The following DCC variants were observed in gnomAD, a reference collection of about 807,000 sequenced individuals.
DCC encodes the protein netrin receptor DCC.
A neutral mutation model predicts 172.5 loss-of-function variants in DCC; 58 were observed. That is an observed-to-expected ratio of 0.34 (90% confidence interval 0.27 to 0.42). The LOEUF is 0.42. Ranked by LOEUF, DCC falls within the 10% of genes least tolerant of loss-of-function variation. The pLI is 1.00. For missense variants in DCC, 1,740 were observed against 1,791.0 expected, an observed-to-expected ratio of 0.97 and a Z score of 0.51; for synonymous variants, 709 against 644.5, an observed-to-expected ratio of 1.10 and a Z score of -1.52.
intron 9 of DCC, among the ~76,000 whole-genome samples, chr18:53,180,643 T>C (rs918338208): frequency 1.3e-5 from 2 of 152,182 alleles, no homozygotes; most frequent in Non-Finnish European, 2.9e-5. Context: ...TCATAATGTC[T>C]ATATTAACAT....
chr18:52,362,716 A>C (rs1984673689), intron 1 of DCC, among the ~76,000 whole-genome samples: 1 of 152,194 alleles, frequency 6.6e-6, no homozygotes, highest in African/African-American at 2.4e-5. Flanking sequence ...AAAGCTGAAT[A>C]ATCTCCCTAT....
intron 1 of DCC, among the ~76,000 whole-genome samples, chr18:52,521,542 C>A (rs976909282): frequency 6.6e-6 from 1 of 152,074 alleles, no homozygotes; most frequent in Non-Finnish European, 1.5e-5. Context: ...CAAATGCCAT[C>A]ACTTTGGGAG....
intron 8 of DCC, among the ~76,000 whole-genome samples, chr18:53,159,028 T>C (rs1206716197): frequency 1.4e-5 from 2 of 141,184 alleles, no homozygotes; most frequent in African/African-American, 5.5e-5. Flanking sequence ...GGCATACCCA[T>C]ATTGCCTTGT....
intron 15 of DCC, among the ~76,000 whole-genome samples, chr18:53,372,120 A>G (rs1336626001): frequency 2.6e-5 from 4 of 152,136 alleles, no homozygotes; most frequent in Non-Finnish European, 4.4e-5. Context: ...GGAAATATAC[A>G]CAAAGAAATA....
Position 53,086,146 on chromosome 18 carries a change from TC to T in DCC, c.1261+19982del, listed in dbSNP as rs2042889362. Among the ~76,000 whole-genome samples, 2 of 30,700 alleles carry T rather than the reference TC, an allele frequency of 6.5e-5. 1 individual carries two copies. Among genetic ancestry groups the T allele is most frequent in the African/African-American group, 9.3e-4 (2 of 2,160 alleles). 20.1% of individuals were successfully genotyped at this position (30,700 alleles called of 152,430 possible). A position where few individuals can be genotyped will look rare whatever the true frequency, so the allele number is the denominator to read the frequency against. ...CTCCTCCTCCTCCTCCTCCTCCTCC[TC>T]CTCCTCTTCCTCTTCTCTTCCTCTT... is the stretch of plus-strand genomic sequence containing the variant. On this transcript the variant is annotated intron_variant, in intron 7 of 28. Coordinates refer to ENST00000442544, the MANE Select transcript of DCC (RefSeq NM_005215.4).
At chr18:53,316,449 A>T (rs7236567) in intron 13 of DCC, among the ~76,000 whole-genome samples, 31,955 of 151,664 alleles carry the variant, frequency 0.21, 5,060 homozygotes, top group African/African-American at 0.44. Flanking sequence ...CTTTTTTGAA[A>T]CCATATGAAA....
At chr18:53,046,479 G>GAA (rs10628083) in intron 5 of DCC, among the ~76,000 whole-genome samples, 154 of 148,258 alleles carry the variant, frequency 1.0e-3, no homozygotes, top group Admixed American at 1.7e-3. Flanking sequence ...TTTAAAACTG[G>GAA]AAAAAAAAAA....
At chr18:53,036,077 A>G (rs1249541158) in intron 5 of DCC, among the ~76,000 whole-genome samples, 1 of 152,046 alleles carries the variant, frequency 6.6e-6, no homozygotes, top group African/African-American at 2.4e-5. Flanking sequence ...ATTGCTTTAG[A>G]GAGTATCAAT....
intron 1 of DCC, among the ~76,000 whole-genome samples, chr18:52,536,901 T>G (rs2032305817): frequency 6.6e-6 from 1 of 152,218 alleles, no homozygotes; most frequent in African/African-American, 2.4e-5. Flanking sequence ...TTGTGGCCAA[T>G]TATATTCTTT....
chr18:53,489,648 A>G (rs1189092017), intron 26 of DCC, among the ~76,000 whole-genome samples: 1 of 152,214 alleles, frequency 6.6e-6, no homozygotes, highest in African/African-American at 2.4e-5. Flanking sequence ...TTTGAGTTTT[A>G]TAAGAAATGA....
chr18:52,995,581 C>G (rs2041465161), intron 5 of DCC, among the ~76,000 whole-genome samples: 1 of 151,834 alleles, frequency 6.6e-6, no homozygotes, highest in Non-Finnish European at 1.5e-5. Context: ...TCCTTACTAC[C>G]TTGTGAAGGT....
At chr18:53,253,615 GA>G (rs1341013752) in intron 12 of DCC, among the ~76,000 whole-genome samples, 14 of 151,598 alleles carry the variant, frequency 9.2e-5, no homozygotes, top group East Asian at 1.9e-4. Context: ...AAAATACTCT[GA>G]AAAAAAATCA....
In DCC at chr18:52,821,541, G is replaced by A. The variant is rs116946428; in HGVS notation, c.412+69167G>A. ...CTTGTCTCCCTTCATCATTCATTCCGGCTTTAGCCCCCTTCAATGAGGCTT... is the reference window on the plus strand; with the variant it reads ...CTTGTCTCCCTTCATCATTCATTCCAGCTTTAGCCCCCTTCAATGAGGCTT... On this transcript the variant is annotated intron_variant, in intron 2 of 28. Transcript: ENST00000442544. Among the ~76,000 whole-genome samples the A allele has an allele frequency of 3.3e-4, 50 of 152,030 alleles. 1 individual carries two copies. The East Asian group carries it at 8.5e-3, about 26-fold the overall frequency.
At chr18:52,599,607 T>C (rs1183619299) in intron 1 of DCC, among the ~76,000 whole-genome samples, 1 of 152,114 alleles carries the variant, frequency 6.6e-6, no homozygotes, top group Non-Finnish European at 1.5e-5. Flanking sequence ...CTCTGCCTCC[T>C]GGGTTCAAGC....
At chr18:52,508,786 T>C (rs2031326285) in intron 1 of DCC, among the ~76,000 whole-genome samples, 1 of 152,174 alleles carries the variant, frequency 6.6e-6, no homozygotes, top group Non-Finnish European at 1.5e-5. Context: ...ACATAAGTTA[T>C]AAAAGAGATG....
At chr18:52,497,344 C>CATATAT (rs11273813) in intron 1 of DCC, among the ~76,000 whole-genome samples, 3 of 34,230 alleles carry the variant, frequency 8.8e-5, no homozygotes, top group African/African-American at 4.0e-4. Flanking sequence ...CACACGTATG[C>CATATAT]ATATATATAT....
rs189790898 is a variant in DCC, at chr18:52,451,218, A to G, written c.91+110340A>G. Among the ~76,000 whole-genome samples the G allele has an allele frequency of 7.2e-5, 11 of 152,284 alleles. No individual in the cohort carries two copies. The East Asian group carries it at 2.1e-3, about 29-fold the overall frequency. On this transcript the variant is annotated intron_variant, in intron 1 of 28. Transcript: ENST00000442544. ...TACAGTATATAGATATTATATTTTG[A>G]AGAGGTGACCTAGGGTATATGAGCC...
At chr18:52,763,167 A>T (rs926946482) in intron 2 of DCC, among the ~76,000 whole-genome samples, 1 of 152,206 alleles carries the variant, frequency 6.6e-6, no homozygotes, top group Non-Finnish European at 1.5e-5. Flanking sequence ...AGGCTTTATC[A>T]CCCTTGAAAC....
intron 8 of DCC, among the ~76,000 whole-genome samples, chr18:53,165,661 G>A (rs1394190836): frequency 1.3e-5 from 2 of 152,094 alleles, no homozygotes; most frequent in Admixed American, 6.6e-5. Context: ...TTTCTCCAGT[G>A]GACTTAATGC....
Sources: allele counts gnomAD v4.1 joint callset (sites outside exome capture counted in the v4.1 genomes callset), GRCh38; gene constraint gnomAD v4.1.1; transcripts MANE v1.5; gene names NCBI Gene and HGNC (gene_info 2026-07-23, HGNC 2026-07-21).